The following NFIA variants were observed in gnomAD, a reference collection of about 807,000 sequenced individuals.
NFIA encodes the protein nuclear factor 1 A-type.
A neutral mutation model predicts 62.8 loss-of-function variants in NFIA; 8 were observed. The observed-to-expected ratio is 0.13, with a 90% CI of 0.07 to 0.23. The LOEUF is 0.23. Among genes scored for constraint, NFIA ranks in the 10% least tolerant of loss-of-function variants. The pLI, the probability that NFIA is intolerant of heterozygous loss-of-function variation, is 1.00. For synonymous variants in NFIA, 235 were observed against 238.1 expected (o/e 0.99, Z 0.12); for missense variants, 410 against 642.1 (o/e 0.64, Z 3.91).
intron 6 of NFIA, among the ~76,000 whole-genome samples, chr1:61,369,545 A>C (rs1056679233): frequency 1.3e-5 from 2 of 152,158 alleles, no homozygotes; most frequent in African/African-American, 4.8e-5. Flanking sequence ...AGTTTTAACC[A>C]TAGATATAAA....
chr1:61,301,314 T>C (rs1659485484), intron 3 of NFIA, among the ~76,000 whole-genome samples: 1 of 152,210 alleles, frequency 6.6e-6, no homozygotes, highest in Non-Finnish European at 1.5e-5. Context: ...TGAAAGTAAC[T>C]TGCTGCCAAT....
chr1:61,122,625 T>A (rs1168214725), intron 2 of NFIA, among the ~76,000 whole-genome samples: 1 of 152,188 alleles, frequency 6.6e-6, no homozygotes, highest in East Asian at 1.9e-4. Flanking sequence ...AATTCCAGCC[T>A]TAATAAAGTT....
intron 2 of NFIA, among the ~76,000 whole-genome samples, chr1:61,123,039 T>TC (rs1646913276): frequency 6.6e-6 from 1 of 152,242 alleles, no homozygotes; most frequent in Non-Finnish European, 1.5e-5. Flanking sequence ...TAACCCCTAA[T>TC]CAGTATTCTT....
chr1:61,184,115 GAAAAAAAACCAAAAAAAA>G (rs1237653802), intron 2 of NFIA, among the ~76,000 whole-genome samples: 1 of 69,542 alleles, frequency 1.4e-5, no homozygotes, highest in Non-Finnish European at 2.9e-5. Flanking sequence ...ATGGGGGGGG[GAAAAAAAACCAAAAAAAA>G]AAAAAAAAAC....
intron 3 of NFIA, among the ~76,000 whole-genome samples, chr1:61,330,828 A>C (rs369928245): frequency 1.3e-5 from 2 of 152,172 alleles, no homozygotes; most frequent in Admixed American, 1.3e-4. Context: ...AGATTTTCCT[A>C]TTCATCTATG....
rs1662586248 is a variant in NFIA, at chr1:61,352,320, A to G, written c.701-130A>G. On this transcript the variant is annotated intron_variant, in intron 4 of 10. Coordinates refer to ENST00000403491, the MANE Select transcript of NFIA (RefSeq NM_001134673.4). ...TATTCCTTTGGAGTCATAGTTTATT[A>G]CTGATTATTTTCGATTCGCTTACAT... 1.6e-5 allele frequency: 10 copies of G among 639,946 alleles called. No individual in the cohort carries two copies. In the East Asian group the frequency reaches 2.7e-4, roughly 17 times the overall value. 39.6% of individuals were successfully genotyped at this position (639,946 alleles called of 1,614,324 possible).
At chr1:61,133,152 C>T (rs1647111722) in intron 2 of NFIA, 1 of 151,520 alleles carries the variant, frequency 6.6e-6, no homozygotes, top group Non-Finnish European at 1.5e-5. Context: ...TTTTCTTCTT[C>T]TCAGCATGTG....
At chr1:61,249,936 A>G (rs1655919837) in intron 2 of NFIA, 1 of 152,252 alleles carries the variant, frequency 6.6e-6, no homozygotes, top group African/African-American at 2.4e-5. Flanking sequence ...ATAATCATGG[A>G]TGGATACTTA....
At chr1:61,335,021 A>C (rs1380846969) in intron 4 of NFIA, among the ~76,000 whole-genome samples, 2 of 152,106 alleles carry the variant, frequency 1.3e-5, no homozygotes, top group African/African-American at 4.8e-5. Flanking sequence ...ACAGGGATTG[A>C]GTTTGCAGAG....
intron 2 of NFIA, among the ~76,000 whole-genome samples, chr1:61,231,272 C>G (rs142765611): frequency 1.1e-4 from 16 of 152,262 alleles, no homozygotes; most frequent in Non-Finnish European, 1.9e-4. Context: ...TAAGCAATGA[C>G]TGGATATAAA....
At chr1:61,212,766 T>C (rs1653348014) in intron 2 of NFIA, among the ~76,000 whole-genome samples, 1 of 152,212 alleles carries the variant, frequency 6.6e-6, no homozygotes, top group South Asian at 2.1e-4. Flanking sequence ...CCCTGCTCAG[T>C]GTCTGGGTTG....
chr1:61,200,041 T>C (rs1403972834), intron 2 of NFIA, among the ~76,000 whole-genome samples: 5 of 48,382 alleles, frequency 1.0e-4, no homozygotes, highest in African/African-American at 1.4e-4. Context: ...TATATATATA[T>C]ATATATATAT....
Position 61,406,542 on chromosome 1 carries a change from T to TGGGGGGGGGGGGGG in NFIA, c.1255-19_1255-18insGGGGGGGGGGGGGG. 5.2e-5 allele frequency: 65 copies of TGGGGGGGGGGGGGG among 1,253,736 alleles called. No homozygotes were observed. The highest frequency in any genetic ancestry group is 9.2e-5 in the East Asian group (3 of 32,720). 77.7% of individuals were successfully genotyped at this position (1,253,736 alleles called of 1,614,324 possible). ...TTCTTTTTCTTGTACGTGTGTTTTC[T>TGGGGGGGGGGGGGG]GCCCCCCCCCCCCCCACAGCCCAAT... is the stretch of plus-strand genomic sequence containing the variant. On this transcript the variant is annotated intron_variant, in intron 8 of 10. Coordinates refer to ENST00000403491, the MANE Select transcript of NFIA (RefSeq NM_001134673.4).
intron 2 of NFIA, among the ~76,000 whole-genome samples, chr1:61,272,494 CAG>C (rs1314579540): frequency 3.3e-5 from 5 of 152,124 alleles, no homozygotes; most frequent in Non-Finnish European, 5.9e-5. Context: ...CTGATCAAAA[CAG>C]AGTAATTTTA....
At chr1:61,272,368 G>A (rs1020419359) in intron 2 of NFIA, among the ~76,000 whole-genome samples, 5 of 152,050 alleles carry the variant, frequency 3.3e-5, no homozygotes, top group African/African-American at 1.2e-4. Flanking sequence ...ATATTACAAA[G>A]TATTACAATA....
At chr1:61,095,811 C>G (rs1323055304) in intron 2 of NFIA, among the ~76,000 whole-genome samples, 1 of 152,046 alleles carries the variant, frequency 6.6e-6, no homozygotes, top group Non-Finnish European at 1.5e-5. Context: ...TTTGAGAAGC[C>G]TTTGTGTATT....
upstream of NFIA, chr1:61,077,446 TAAAA>T (rs999345708): frequency 2.4e-6 from 1 of 411,178 alleles, no homozygotes; most frequent in African/African-American, 2.1e-5. Context: ...GATTTGGAGT[TAAAA>T]AAAAAATTCT....
chr1:61,395,749 A>G (rs1182852633), intron 7 of NFIA, among the ~76,000 whole-genome samples: 1 of 152,310 alleles, frequency 6.6e-6, no homozygotes, highest in East Asian at 1.9e-4. Context: ...TTTTGATTCA[A>G]AGAGGCCCTG....
intron 2 of NFIA, among the ~76,000 whole-genome samples, chr1:61,264,575 C>T (rs765641854): frequency 6.2e-5 from 9 of 145,194 alleles, no homozygotes; most frequent in Non-Finnish European, 1.0e-4. Flanking sequence ...TGCCAGAACC[C>T]GGAAGGCGAA....
Sources: gnomAD v4.1 joint callset for allele counts (sites outside exome capture counted in the v4.1 genomes callset) on GRCh38, gnomAD v4.1.1 for gene constraint, MANE v1.5 for transcripts, NCBI Gene and HGNC (gene_info 2026-07-23, HGNC 2026-07-21) for gene names.